MSN: variants seen among roughly 807,000 people sequenced by gnomAD.
MSN encodes the protein moesin.
MSN carries 2 observed loss-of-function variants against 48.0 expected under a neutral mutation model. The observed-to-expected ratio is 0.04, with a 90% CI of 0.02 to 0.13. The LOEUF (loss-of-function observed/expected upper bound fraction) is 0.13, where lower values mean the gene tolerates loss of function less well. MSN is among the 10% of genes least tolerant of loss of function. The pLI is 1.00. For missense variants in MSN, 267 were observed against 470.1 expected, an observed-to-expected ratio of 0.57 and a Z score of 3.99; for synonymous variants, 146 against 166.9, an observed-to-expected ratio of 0.87 and a Z score of 0.97.
At chrX:65,622,964 G>A (rs2070465289) in intron 1 of MSN, among the ~76,000 whole-genome samples, 1 of 111,759 alleles carries the variant, frequency 8.9e-6, no homozygotes, top group Non-Finnish European at 1.9e-5. Context: ...ATCATCAAAA[G>A]GTATAGATTT....
At chrX:65,699,099 C>T (rs1414161927) in intron 1 of MSN, among the ~76,000 whole-genome samples, 5 of 111,977 alleles carry the variant, frequency 4.5e-5, no homozygotes, top group African/African-American at 9.8e-5. Flanking sequence ...TCTACTTTTA[C>T]GTACTTCATA....
chrX:65,685,484 CT>C (rs2071105941), intron 1 of MSN, among the ~76,000 whole-genome samples: 1 of 112,230 alleles, frequency 8.9e-6, no homozygotes, highest in African/African-American at 3.2e-5. Flanking sequence ...TAGGCACATG[CT>C]TTTCCAATGT....
chrX:65,617,160 A>C (rs1413442658), intron 1 of MSN, among the ~76,000 whole-genome samples: 1 of 105,635 alleles, frequency 9.5e-6, no homozygotes, highest in Non-Finnish European at 1.9e-5. Context: ...ATATTGGTCT[A>C]AAATTCTCTT....
intron 10 of MSN, 82 bp from the exon 11 acceptor site, chrX:65,738,443 C>A (rs1377151355): frequency 2.8e-5 from 23 of 832,809 alleles, no homozygotes; most frequent in Non-Finnish European, 3.4e-5. Context: ...CCTTACTAGT[C>A]CCCCAGGGGA....
At chrX:65,632,647 C>A (rs1488227672) in intron 1 of MSN, among the ~76,000 whole-genome samples, 4 of 111,560 alleles carry the variant, frequency 3.6e-5, no homozygotes, top group African/African-American at 9.8e-5. Context: ...TAATTGTAGC[C>A]ATTCTGATAG....
At chrX:65,668,364 C>T (rs1474418945) in intron 1 of MSN, among the ~76,000 whole-genome samples, 1 of 111,948 alleles carries the variant, frequency 8.9e-6, no homozygotes, top group African/African-American at 3.2e-5. Flanking sequence ...GTGGCTCCAG[C>T]TGTTTTCCAC....
intron 4 of MSN, among the ~76,000 whole-genome samples, chrX:65,730,838 T>A (rs1297105124): frequency 9.0e-6 from 1 of 111,466 alleles, no homozygotes; most frequent in Non-Finnish European, 1.9e-5. Context: ...CCACAGCACA[T>A]CATTTGATTT....
rs112721030 is a variant in MSN, at chrX:65,705,040, G to A, written c.13-11778G>A. On this transcript the variant is annotated intron_variant, in intron 1 of 12. Coordinates refer to ENST00000360270, the MANE Select transcript of MSN (RefSeq NM_002444.3). ...CCCACCTTGGCCTCCCAAAGTGCTGGGATTACAAGTGTGAGCCACCGCGCC... is the reference window on the plus strand; with the variant it reads ...CCCACCTTGGCCTCCCAAAGTGCTGAGATTACAAGTGTGAGCCACCGCGCC... 2.4e-3 allele frequency among the ~76,000 whole-genome samples: 266 copies of A among 110,878 alleles called. 3 individuals are homozygous for A. Among genetic ancestry groups the A allele is most frequent in the African/African-American group, 8.4e-3 (257 of 30,515 alleles).
In MSN at chrX:65,733,798, C is replaced by T. The variant is rs866205486; in HGVS notation, c.795+518C>T. Among the ~76,000 whole-genome samples the T allele has an allele frequency of 1.5e-4, 17 of 111,441 alleles. No individual in the cohort carries two copies. In the South Asian group the frequency reaches 1.9e-3, roughly 12 times the overall value. ...CCTCCCGAGTAGCTGGGATTACAGG[C>T]GCATGCCACCATGCCTGGCTAATTT... On this transcript the variant is annotated intron_variant, in intron 7 of 12. Transcript: ENST00000360270.
At chrX:65,696,225 TCACACACACACACA>T (rs111720807) in intron 1 of MSN, among the ~76,000 whole-genome samples, 1 of 102,263 alleles carries the variant, frequency 9.8e-6, no homozygotes, top group Admixed American at 1.0e-4. Context: ...GCTTGCTCAT[TCACACACACACACA>T]CACACACACA....
At chrX:65,734,313 C>A (rs1252903088) in intron 7 of MSN, among the ~76,000 whole-genome samples, 1 of 111,581 alleles carries the variant, frequency 9.0e-6, no homozygotes, top group African/African-American at 3.3e-5. Context: ...CCATGAGGTG[C>A]CTGAACTTCC....
intron 1 of MSN, among the ~76,000 whole-genome samples, chrX:65,633,172 A>T (rs1396258515): frequency 9.0e-6 from 1 of 111,409 alleles, no homozygotes; most frequent in Non-Finnish European, 1.9e-5. Context: ...TGTTACAAAA[A>T]AAGAGTTTAG....
At chrX:65,647,711 C>T (rs2148372984) in intron 1 of MSN, among the ~76,000 whole-genome samples, 1 of 112,038 alleles carries the variant, frequency 8.9e-6, no homozygotes, top group African/African-American at 3.2e-5. Context: ...TTGGAGGAAG[C>T]ATAACACATT....
intron 1 of MSN, among the ~76,000 whole-genome samples, chrX:65,599,264 C>T (rs1185534879): frequency 3.6e-5 from 4 of 110,130 alleles, no homozygotes; most frequent in African/African-American, 1.3e-4. Context: ...CATTGCATTA[C>T]AGCCTAGGAA....
chrX:65,712,546 A>G (rs1212682448), intron 1 of MSN, among the ~76,000 whole-genome samples: 1 of 97,315 alleles, frequency 1.0e-5, no homozygotes, highest in African/African-American at 3.7e-5. Flanking sequence ...TGTAGATTAG[A>G]TTTTTTTTTT....
At chrX:65,733,480 G>A in intron 7 of MSN, among the ~76,000 whole-genome samples, 200 bp downstream of exon 7, 1 of 112,518 alleles carries the variant, frequency 8.9e-6, no homozygotes, top group Middle Eastern at 4.6e-3. Flanking sequence ...CAGACATCCT[G>A]TACCTGGTTC....
At chrX:65,707,798 C>T (rs1166274378) in intron 1 of MSN, among the ~76,000 whole-genome samples, 3 of 111,807 alleles carry the variant, frequency 2.7e-5, no homozygotes, top group East Asian at 5.6e-4. Context: ...CCATCTTGCA[C>T]TCTTGAATCC....
chrX:65,635,473 A>G (rs1170654484), intron 1 of MSN, among the ~76,000 whole-genome samples: 1 of 111,848 alleles, frequency 8.9e-6, no homozygotes. Context: ...CAGTTAAGGA[A>G]AAAGGAGGGA....
At chrX:65,708,648 T>G (rs2071385685) in intron 1 of MSN, among the ~76,000 whole-genome samples, 4 of 111,054 alleles carry the variant, frequency 3.6e-5, no homozygotes, top group Non-Finnish European at 7.5e-5. Flanking sequence ...TCCTTCAGGC[T>G]CATCCATGTT....
Sources: allele counts gnomAD v4.1 joint callset (sites outside exome capture counted in the v4.1 genomes callset), GRCh38; gene constraint gnomAD v4.1.1; transcripts MANE v1.5; gene names NCBI Gene and HGNC (gene_info 2026-07-23, HGNC 2026-07-21).